The following SDK2 variants were observed in gnomAD, a reference collection of about 807,000 sequenced individuals.
SDK2 encodes the protein protein sidekick-2.
SDK2 carries 105 observed loss-of-function variants against 253.9 expected under a neutral mutation model. The ratio of observed to expected loss-of-function variants is 0.41; its 90% CI spans 0.35 to 0.49. The LOEUF (loss-of-function observed/expected upper bound fraction) is 0.49. Ranked by LOEUF, SDK2 falls within the 20% of genes least tolerant of loss-of-function variation. The pLI is 0.06. For synonymous variants in SDK2, 1,249 were observed against 1,234.9 expected (o/e 1.01, Z -0.24); for missense variants, 2,608 against 3,003.0 (o/e 0.87, Z 3.07).
At chr17:73,378,287 A>G in intron 36 of SDK2, among the ~76,000 whole-genome samples, 1 of 151,672 alleles carries the variant, frequency 6.6e-6, no homozygotes, top group East Asian at 2.0e-4. Context: ...TTTTTTGTAG[A>G]GTCAGGTTCT....
chr17:73,338,129 T>C lies in SDK2; in HGVS notation c.*458A>G, dbSNP rs895383565. ...ATAGGCGTGGCCTCCGGGATGCCCATTCTTTTTGCAGAGAGCAGCGGCAGT... is the reference window on the plus strand; with the variant it reads ...ATAGGCGTGGCCTCCGGGATGCCCACTCTTTTTGCAGAGAGCAGCGGCAGT... On this transcript the variant is annotated 3_prime_UTR_variant, in exon 45 of 45. Transcript: ENST00000392650. This position sits in a 1 kb window ranked among gnomAD's most constrained non-coding sequence, Gnocchi z 5.0. 5.4e-5 allele frequency: 14 copies of C among 261,524 alleles called. No homozygotes were observed. The highest frequency in any genetic ancestry group is 1.3e-3 in the Middle Eastern group (1 of 764). The allele number at this position is 261,524 out of a possible 1,614,324, so 16.2% of individuals were successfully genotyped here. A position where few individuals can be genotyped will look rare whatever the true frequency, so the allele number is the denominator to read the frequency against.
At chr17:73,345,335 A>G (rs1004205931) in intron 44 of SDK2, among the ~76,000 whole-genome samples, 5 of 152,124 alleles carry the variant, frequency 3.3e-5, no homozygotes, top group Non-Finnish European at 7.3e-5. Flanking sequence ...AAAAAGAAAA[A>G]AAAAGAGAAA....
At chr17:73,485,014 T>C (rs1349547591) in intron 2 of SDK2, among the ~76,000 whole-genome samples, 3 of 152,214 alleles carry the variant, frequency 2.0e-5, no homozygotes, top group Non-Finnish European at 1.5e-5. Flanking sequence ...TAGTCTAGTA[T>C]GACCTCAGCT....
intron 3 of SDK2, among the ~76,000 whole-genome samples, chr17:73,468,644 T>TGGGA (rs974436245): frequency 6.6e-5 from 10 of 152,028 alleles, no homozygotes; most frequent in Non-Finnish European, 1.0e-4. Context: ...CCCAATTAGC[T>TGGGA]GGGACTACAG....
rs2062404836 is a variant in SDK2, at chr17:73,338,767, G to T, written c.6339C>A (p.Thr2113=). 1.2e-6 allele frequency: 2 copies of T among 1,613,898 alleles called. No individual in the cohort carries two copies. The highest frequency in any genetic ancestry group is 1.7e-6 in the Non-Finnish European group (2 of 1,179,874). The change falls in exon 45 of 45, where the codon ACC becomes ACA. Residue 2113 remains threonine (T), a synonymous_variant. Transcript: ENST00000392650. The surrounding 1 kb of genome is among the most constrained non-coding windows in gnomAD (Gnocchi z 5.0). ...GGGTGCTGGTGCTGTTGGTGACGGTGGTGTGGTCTGGCTCACCCGAGTCGC... is the reference window on the plus strand; with the variant it reads ...GGGTGCTGGTGCTGTTGGTGACGGTTGTGTGGTCTGGCTCACCCGAGTCGC... ...TESDSGEPDH[T]TVTNSTSTQQ...
At chr17:73,429,183 T>C (rs1257483654) in intron 12 of SDK2, among the ~76,000 whole-genome samples, 2 of 152,208 alleles carry the variant, frequency 1.3e-5, no homozygotes, top group African/African-American at 4.8e-5. Flanking sequence ...GCTAAAAGTA[T>C]AGCTACTACA....
intron 1 of SDK2, among the ~76,000 whole-genome samples, chr17:73,555,579 C>A (rs8075002): frequency 6.6e-6 from 1 of 152,110 alleles, no homozygotes; most frequent in Non-Finnish European, 1.5e-5. Flanking sequence ...TCCCTGCCAT[C>A]AGGCAAGAAT....
intron 1 of SDK2, among the ~76,000 whole-genome samples, chr17:73,523,768 C>A (rs998573080): frequency 2.0e-5 from 3 of 151,886 alleles, no homozygotes; most frequent in African/African-American, 7.3e-5. Flanking sequence ...CACCCCCTCA[C>A]CTGCACCCCC....
intron 3 of SDK2, among the ~76,000 whole-genome samples, chr17:73,469,981 TGCGCGC>T (rs10622822): frequency 3.9e-5 from 5 of 129,622 alleles, no homozygotes; most frequent in Admixed American, 1.5e-4. Context: ...CATTTGCGAC[TGCGCGC>T]GCGCGCACAC....
intron 1 of SDK2, among the ~76,000 whole-genome samples, chr17:73,579,806 A>C (rs578049264): frequency 4.6e-5 from 7 of 151,990 alleles, no homozygotes; most frequent in Admixed American, 4.6e-4. Flanking sequence ...GTGAAACCCC[A>C]TCTCTACTAA....
At chr17:73,437,158 C>A (rs1350183451) in intron 8 of SDK2, among the ~76,000 whole-genome samples, 1 of 152,186 alleles carries the variant, frequency 6.6e-6, no homozygotes, top group Admixed American at 6.5e-5. Context: ...TGCCCCTTTG[C>A]TCAGCGTGTC....
chr17:73,384,731 G>A lies in SDK2; in HGVS notation c.4570-720C>T, dbSNP rs77208238. On this transcript the variant is annotated intron_variant, in intron 32 of 44. Coordinates refer to ENST00000392650, the MANE Select transcript of SDK2 (RefSeq NM_001144952.2). ...CTTGGAAGGCTGAGGAAAGAGAATCGTGTGAAGCTGGGAGGCGGAGGTTGC... is the reference window on the plus strand; with the variant it reads ...CTTGGAAGGCTGAGGAAAGAGAATCATGTGAAGCTGGGAGGCGGAGGTTGC... 9.1e-3 allele frequency among the ~76,000 whole-genome samples: 1,392 copies of A among 152,314 alleles called. 37 individuals carry two copies. Among genetic ancestry groups the A allele is most frequent in the East Asian group, 0.086 (447 of 5,176 alleles).
In SDK2 at chr17:73,541,919, C is replaced by T. The variant is rs1454753597; in HGVS notation, c.65-34322G>A. Among the ~76,000 whole-genome samples the T allele has an allele frequency of 6.6e-6, 1 of 152,182 alleles. No individual in the cohort carries two copies. The highest frequency in any genetic ancestry group is 2.4e-5 in the African/African-American group (1 of 41,436). Reference sequence around the variant, plus strand: ...CCAGGCCTGTTCTTGCCTGTGTGCCCTGAGGAGAGCCCCAAACCTCTCTGA... The same window carrying T: ...CCAGGCCTGTTCTTGCCTGTGTGCCTTGAGGAGAGCCCCAAACCTCTCTGA... On this transcript the variant is annotated intron_variant, in intron 1 of 44. Transcript: ENST00000392650. The surrounding 1 kb of genome is among the most constrained non-coding windows in gnomAD (Gnocchi z 4.3).
rs960299051 is a variant in SDK2, at chr17:73,471,007, AC to A, written c.331+1104del. 4.1e-4 allele frequency among the ~76,000 whole-genome samples: 62 copies of A among 151,908 alleles called. 1 individual carries two copies. Among genetic ancestry groups the A allele is most frequent in the African/African-American group, 1.4e-3 (59 of 41,434 alleles). On this transcript the variant is annotated intron_variant, in intron 3 of 44. Transcript: ENST00000392650. ...GAAGAGTGTCGGTTGGTACTCTAGG[AC>A]CCTGGCCCCTGAGATGCCCTGGGGT...
chr17:73,343,320 G>T (rs933049907), intron 44 of SDK2, among the ~76,000 whole-genome samples: 1 of 152,250 alleles, frequency 6.6e-6, no homozygotes, highest in Non-Finnish European at 1.5e-5. Flanking sequence ...CTCTTCCCCC[G>T]CTCCGCCTTC....
intron 22 of SDK2, 111 bp from the exon 23 acceptor site, chr17:73,398,540 C>T (rs1006072724): frequency 2.1e-5 from 17 of 829,210 alleles, no homozygotes; most frequent in Non-Finnish European, 3.3e-5. Flanking sequence ...ACCCAGGGCT[C>T]ATCTGGAGGG....
At chr17:73,461,740 G>A (rs2063563703) in intron 3 of SDK2, among the ~76,000 whole-genome samples, 1 of 152,154 alleles carries the variant, frequency 6.6e-6, no homozygotes, top group South Asian at 2.1e-4. Context: ...GCAGAGGAAT[G>A]GATGGTTGTA....
At chr17:73,393,949 T>G (rs1010911071) in intron 26 of SDK2, among the ~76,000 whole-genome samples, 200 bp from the exon 27 acceptor site, 3 of 152,190 alleles carry the variant, frequency 2.0e-5, no homozygotes. Flanking sequence ...CCAACAGAGC[T>G]GAGTGAGGCT....
chr17:73,607,799 T>G (rs1181027142), intron 1 of SDK2, among the ~76,000 whole-genome samples: 5 of 151,520 alleles, frequency 3.3e-5, no homozygotes, highest in Admixed American at 6.6e-5. Flanking sequence ...CTGAGGGTTT[T>G]ACGCTGCAGG....
Sources: allele counts gnomAD v4.1 joint callset (sites outside exome capture counted in the v4.1 genomes callset), GRCh38; gene constraint gnomAD v4.1.1; non-coding constraint Gnocchi (gnomAD v3.1); transcripts MANE v1.5; gene names NCBI Gene and HGNC (gene_info 2026-07-23, HGNC 2026-07-21).